CDH4: variants seen among roughly 807,000 people sequenced by gnomAD.
CDH4 encodes the protein cadherin 4.
Under a neutral mutation model 86.0 loss-of-function variants are expected in CDH4, and 33 were observed. That is an observed-to-expected ratio of 0.38 (90% confidence interval 0.29 to 0.51). CDH4 has a LOEUF of 0.51. Ranked by LOEUF, CDH4 falls within the 20% of genes least tolerant of loss-of-function variation. The pLI is 0.86. For synonymous variants in CDH4, 555 were observed against 549.4 expected (o/e 1.01, Z -0.14); for missense variants, 1,114 against 1,307.4 (o/e 0.85, Z 2.28).
intron 2 of CDH4, among the ~76,000 whole-genome samples, chr20:61,326,040 GA>G (rs1568798529): frequency 6.6e-6 from 1 of 152,186 alleles, no homozygotes; most frequent in East Asian, 1.9e-4. Flanking sequence ...ATAGTAGTGG[GA>G]GTGGAACTCA....
chr20:61,578,827 A>T (rs2086403939), intron 2 of CDH4, among the ~76,000 whole-genome samples: 1 of 152,104 alleles, frequency 6.6e-6, no homozygotes. Flanking sequence ...TTAGTTTCAG[A>T]TCCATATACG....
At chr20:61,433,426 C>G (rs1295760291) in intron 2 of CDH4, among the ~76,000 whole-genome samples, 2 of 151,938 alleles carry the variant, frequency 1.3e-5, no homozygotes, top group African/African-American at 4.8e-5. Flanking sequence ...GTCAGCCATT[C>G]GACTTTACTC....
chr20:61,729,357 A>AGGT (rs1346593631), intron 2 of CDH4, among the ~76,000 whole-genome samples: 1 of 152,150 alleles, frequency 6.6e-6, no homozygotes, highest in Admixed American at 6.5e-5. Context: ...TGTGGAAAAG[A>AGGT]ACTTTTGTGT....
chr20:61,361,971 G>A (rs947744341), intron 2 of CDH4, among the ~76,000 whole-genome samples: 2 of 152,226 alleles, frequency 1.3e-5, no homozygotes, highest in Admixed American at 1.3e-4. Flanking sequence ...CCATCCCGGA[G>A]CCCACACTCT....
intron 2 of CDH4, chr20:61,437,617 T>A (rs186096553): frequency 2.0e-5 from 3 of 152,324 alleles, no homozygotes; most frequent in Admixed American, 1.3e-4. Flanking sequence ...TACAAATGGA[T>A]CGTCAGTGTG....
At chr20:61,567,954 C>T (rs1041839480) in intron 2 of CDH4, among the ~76,000 whole-genome samples, 14 of 152,200 alleles carry the variant, frequency 9.2e-5, no homozygotes, top group African/African-American at 3.4e-4. Flanking sequence ...GCCTGGATGA[C>T]AGAGTGAAAC....
At chr20:61,719,627 C>T (rs893045921) in intron 2 of CDH4, 3 of 161,828 alleles carry the variant, frequency 1.9e-5, no homozygotes, top group East Asian at 1.7e-4. Flanking sequence ...AGGCTGTGCT[C>T]ACCTGCAAAG....
intron 2 of CDH4, among the ~76,000 whole-genome samples, chr20:61,334,664 G>A (rs1016391326): frequency 6.6e-6 from 1 of 152,200 alleles, no homozygotes; most frequent in African/African-American, 2.4e-5. Flanking sequence ...CCGCCTCTTT[G>A]TGCCACCACG....
chr20:61,661,328 T>A (rs182879002), intron 2 of CDH4, among the ~76,000 whole-genome samples: 1 of 152,336 alleles, frequency 6.6e-6, no homozygotes, highest in Non-Finnish European at 1.5e-5. Context: ...TCATAAGTCT[T>A]GTGTTTTCAG....
At chr20:61,288,090 T>C (rs1290240408) in intron 2 of CDH4, among the ~76,000 whole-genome samples, 1 of 152,200 alleles carries the variant, frequency 6.6e-6, no homozygotes, top group Admixed American at 6.5e-5. Context: ...CCAAATCTGC[T>C]TGGTGAAAGA....
Position 61,929,827 on chromosome 20 carries a change from A to T in CDH4, c.2224A>T (p.Ile742Phe). 1 of 1,613,736 alleles carries T rather than the reference A, an allele frequency of 6.2e-7. No individual in the cohort carries two copies. The highest frequency in any genetic ancestry group is 8.5e-7 in the Non-Finnish European group (1 of 1,179,820). ...TGAIVAILIC[I>F]LILLTMVLLF... ...TGCCATCGTGGCCATCCTCATCTGC[A>T]TCCTCATCCTGCTGAGTGAGTGTGG... Residue 742 changes from isoleucine (I) to phenylalanine (F), a missense_variant, in exon 13 of 16, where the codon ATC (isoleucine) becomes TTC (phenylalanine). Physicochemically the swap from Ile to Phe is conservative, Grantham distance 21 (BLOSUM62 0). This residue lies in a region of CDH4 where 705 missense variants were observed against 914.1 expected (regional missense o/e 0.77). Coordinates refer to ENST00000614565, the MANE Select transcript of CDH4 (RefSeq NM_001794.5).
intron 2 of CDH4, among the ~76,000 whole-genome samples, chr20:61,475,230 A>G (rs894433259): frequency 6.6e-6 from 1 of 152,058 alleles, no homozygotes; most frequent in Non-Finnish European, 1.5e-5. Context: ...TGTTGACTTC[A>G]TATCTGGAGA....
At chr20:61,295,006 C>T (rs956359831) in intron 2 of CDH4, among the ~76,000 whole-genome samples, 5 of 152,234 alleles carry the variant, frequency 3.3e-5, no homozygotes, top group Admixed American at 2.0e-4. Context: ...GCGAGAATGT[C>T]CCCTTGGATG....
chr20:61,507,442 G>A (rs1357368959), intron 2 of CDH4, among the ~76,000 whole-genome samples: 1 of 152,218 alleles, frequency 6.6e-6, no homozygotes, highest in Non-Finnish European at 1.5e-5. Context: ...TCGCTGGCCA[G>A]CAGCACGTGA....
At chr20:61,898,214 A>T (rs1279129810) in intron 8 of CDH4, among the ~76,000 whole-genome samples, 1 of 152,272 alleles carries the variant, frequency 6.6e-6, no homozygotes, top group Non-Finnish European at 1.5e-5. Context: ...ACTGCCGCAC[A>T]TGCCGCCAGG....
At chr20:61,756,260 C>T (rs908826905) in intron 3 of CDH4, among the ~76,000 whole-genome samples, 5 of 151,412 alleles carry the variant, frequency 3.3e-5, no homozygotes, top group Admixed American at 6.5e-5. Context: ...GCCAGGGGCT[C>T]GGCTTCTCCT....
chr20:61,881,746 C>T (rs1353505849), intron 7 of CDH4, among the ~76,000 whole-genome samples: 1 of 152,242 alleles, frequency 6.6e-6, no homozygotes, highest in African/African-American at 2.4e-5. Context: ...CTGGGGGCCA[C>T]TGGCCCAGCC....
intron 2 of CDH4, among the ~76,000 whole-genome samples, chr20:61,492,180 A>G (rs1344100540): frequency 1.5e-5 from 2 of 135,410 alleles, no homozygotes; most frequent in South Asian, 2.4e-4. Flanking sequence ...TATTGTTGAT[A>G]TTGGTGGTGT....
intron 2 of CDH4, among the ~76,000 whole-genome samples, chr20:61,325,003 AC>A (rs1029377600): frequency 1.3e-5 from 2 of 152,102 alleles, no homozygotes; most frequent in Non-Finnish European, 2.9e-5. Flanking sequence ...CCTGGCTCCT[AC>A]CCCTTGCAGC....
Sources: gnomAD v4.1 joint callset for allele counts (sites outside exome capture counted in the v4.1 genomes callset) on GRCh38, gnomAD v4.1.1 for gene constraint, gnomAD v4.1.1 regional missense constraint, MANE v1.5 for transcripts, NCBI Gene and HGNC (gene_info 2026-07-23, HGNC 2026-07-21) for gene names.